Variants in BRINP3 observed in about 807,000 individuals in gnomAD.
BRINP3 encodes the protein BMP/retinoic acid-inducible neural-specific protein 3.
In BRINP3, 19 loss-of-function variants were observed where a neutral mutation model predicts 71.0. The ratio of observed to expected loss-of-function variants is 0.27; its 90% confidence interval spans 0.19 to 0.39. BRINP3 has a LOEUF of 0.39. Among genes scored for constraint, BRINP3 ranks in the 10% least tolerant of loss-of-function variants. The pLI is 1.00. For synonymous variants in BRINP3, 380 were observed against 337.7 expected, an observed-to-expected ratio of 1.13 and a Z score of -1.37; for missense variants, 959 against 940.8, an observed-to-expected ratio of 1.02 and a Z score of -0.25.
intron 2 of BRINP3, among the ~76,000 whole-genome samples, chr1:190,382,016 A>C (rs1002692012): frequency 6.6e-6 from 1 of 152,160 alleles, no homozygotes; most frequent in South Asian, 2.1e-4. Context: ...ACAGATACAC[A>C]TATTGCATAC....
chr1:190,282,598 GTTAA>G (rs750114503), intron 2 of BRINP3, among the ~76,000 whole-genome samples: 5 of 151,868 alleles, frequency 3.3e-5, no homozygotes, highest in African/African-American at 4.8e-5. Flanking sequence ...CAAATAAAAT[GTTAA>G]TTAAACACTT....
At chr1:190,171,301 A>G (rs1266662694) in intron 6 of BRINP3, among the ~76,000 whole-genome samples, 16 of 152,160 alleles carry the variant, frequency 1.1e-4, no homozygotes, top group Admixed American at 1.0e-3. Flanking sequence ...CAGTATGTTG[A>G]TCAACATCTA....
intron 2 of BRINP3, among the ~76,000 whole-genome samples, chr1:190,332,924 A>G (rs1471058220): frequency 6.6e-6 from 1 of 151,840 alleles, no homozygotes; most frequent in Non-Finnish European, 1.5e-5. Flanking sequence ...TTTTTCATGC[A>G]TCTATGAACC....
chr1:190,162,151 C>T (rs1203223232), intron 6 of BRINP3, among the ~76,000 whole-genome samples: 3 of 151,172 alleles, frequency 2.0e-5, no homozygotes, highest in African/African-American at 7.3e-5. Flanking sequence ...GTCCAATATG[C>T]TTCAAACCAT....
chr1:190,397,913 C>T (rs576384211), intron 2 of BRINP3, among the ~76,000 whole-genome samples: 2 of 151,294 alleles, frequency 1.3e-5, no homozygotes. Flanking sequence ...AATCTTTTTC[C>T]CAGAAAATAT....
At chr1:190,255,630 C>T (rs553400620) in intron 4 of BRINP3, among the ~76,000 whole-genome samples, 216 of 152,040 alleles carry the variant, frequency 1.4e-3, no homozygotes, top group Middle Eastern at 6.8e-3. Flanking sequence ...GTGGTGATAT[C>T]CCTTTTGTCA....
intron 2 of BRINP3, among the ~76,000 whole-genome samples, chr1:190,302,242 C>CATAAATTTATATATATATTTTATATATAT (rs1336351137): frequency 2.0e-5 from 3 of 146,850 alleles, no homozygotes; most frequent in Non-Finnish European, 4.5e-5. Context: ...TATATATATA[C>CATAAATTTATATATATATTTTATATATAT]ATAAATTTAT....
chr1:190,254,418 T>C (rs924183242), intron 4 of BRINP3, among the ~76,000 whole-genome samples: 2 of 152,232 alleles, frequency 1.3e-5, no homozygotes, highest in Non-Finnish European at 2.9e-5. Flanking sequence ...TGGAATGTTC[T>C]TCCATTGGTT....
intron 2 of BRINP3, among the ~76,000 whole-genome samples, chr1:190,374,141 G>A (rs915224917): frequency 3.9e-5 from 6 of 152,020 alleles, no homozygotes; most frequent in African/African-American, 1.4e-4. Flanking sequence ...TATGTGAGAT[G>A]TGTATGTACA....
chr1:190,161,356 C>T (rs1650931420), intron 6 of BRINP3, among the ~76,000 whole-genome samples: 1 of 151,340 alleles, frequency 6.6e-6, no homozygotes, highest in Non-Finnish European at 1.5e-5. Context: ...ATAATTGTAT[C>T]AGTTTTTAAA....
At chr1:190,164,280 G>T (rs1351241254) in intron 6 of BRINP3, among the ~76,000 whole-genome samples, 1 of 151,996 alleles carries the variant, frequency 6.6e-6, no homozygotes, top group Non-Finnish European at 1.5e-5. Flanking sequence ...AGAGTTTTGA[G>T]GGTATATAAT....
chr1:190,320,405 A>T (rs1272373989), intron 2 of BRINP3, among the ~76,000 whole-genome samples: 1 of 152,172 alleles, frequency 6.6e-6, no homozygotes, highest in African/African-American at 2.4e-5. Context: ...TACACAGTTC[A>T]AAAGCAAACA....
At chr1:190,316,531 T>C (rs1665893133) in intron 2 of BRINP3, among the ~76,000 whole-genome samples, 1 of 152,066 alleles carries the variant, frequency 6.6e-6, no homozygotes, top group Non-Finnish European at 1.5e-5. Flanking sequence ...ACACAGATAA[T>C]ATTAATATGG....
chr1:190,130,974 C>T (rs978897072), intron 7 of BRINP3, among the ~76,000 whole-genome samples: 9 of 151,786 alleles, frequency 5.9e-5, no homozygotes, highest in African/African-American at 1.9e-4. Flanking sequence ...AATCCTGCTC[C>T]CTATGCCCTA....
intron 7 of BRINP3, among the ~76,000 whole-genome samples, chr1:190,111,148 A>G (rs1344776526): frequency 7.4e-6 from 1 of 134,742 alleles, no homozygotes; most frequent in South Asian, 2.6e-4. Flanking sequence ...ACTGCACTCC[A>G]GCCGGGAGCC....
At position 190,454,651 on chromosome 1, in the gene BRINP3, A is replaced by C. The variant is rs1403945614; in HGVS notation, c.236+4T>G. 2 of 1,610,730 alleles carry C rather than the reference A, an allele frequency of 1.2e-6. No homozygotes were observed. Among genetic ancestry groups the C allele is most frequent in the Non-Finnish European group, 1.7e-6 (2 of 1,177,496 alleles). ...TCTGTAATTGCTTTCCCTTTGCTTC[A>C]TACCTGTATATCTTGTATCTTGTGC... On this transcript the variant is annotated splice_donor_region_variant and intron_variant, in intron 2 of 7. Transcript: ENST00000367462.
chr1:190,100,965 T>C (rs1037267406), intron 7 of BRINP3, among the ~76,000 whole-genome samples: 1 of 152,118 alleles, frequency 6.6e-6, no homozygotes, highest in African/African-American at 2.4e-5. Context: ...AATGCCCTTA[T>C]CTTGGGAGTT....
At chr1:190,113,982 A>T (rs556444046) in intron 7 of BRINP3, among the ~76,000 whole-genome samples, 1 of 152,292 alleles carries the variant, frequency 6.6e-6, no homozygotes, top group South Asian at 2.1e-4. Flanking sequence ...CTTCAATAAA[A>T]ATACTTAGAT....
intron 2 of BRINP3, among the ~76,000 whole-genome samples, chr1:190,358,075 A>G (rs887813455): frequency 2.6e-5 from 4 of 152,194 alleles, no homozygotes; most frequent in Non-Finnish European, 5.9e-5. Context: ...AAACTTAGGC[A>G]ATACCATTCA....
Sources: gnomAD v4.1 joint callset for allele counts (sites outside exome capture counted in the v4.1 genomes callset) on GRCh38, gnomAD v4.1.1 for gene constraint, MANE v1.5 for transcripts, NCBI Gene and HGNC (gene_info 2026-07-23, HGNC 2026-07-21) for gene names.